EEF1AKMT4: variants seen among roughly 807,000 people sequenced by gnomAD.
EEF1AKMT4 encodes EEF1A lysine methyltransferase 4.
In EEF1AKMT4, 17 loss-of-function variants were observed where a neutral mutation model predicts 23.0. The ratio of observed to expected loss-of-function variants is 0.74; its 90% CI spans 0.51 to 1.11. The LOEUF is 1.11. Ranked by LOEUF, EEF1AKMT4 falls within the 50% of genes least tolerant of loss-of-function variation. The pLI is 0.00. For synonymous variants in EEF1AKMT4, 140 were observed against 141.4 expected (o/e 0.99, Z 0.07); for missense variants, 318 against 333.4 (o/e 0.95, Z 0.36).
chr3:184,257,307 C>G (rs938244954), intron 1 of EEF1AKMT4, among the ~76,000 whole-genome samples, 166 bp from the exon 2 acceptor site: 1 of 152,142 alleles, frequency 6.6e-6, no homozygotes, highest in African/African-American at 2.4e-5. Context: ...TGCACCCAGG[C>G]CTGTGCGATT....
intron 1 of EEF1AKMT4, among the ~76,000 whole-genome samples, chr3:184,257,159 G>A (rs577151265): frequency 4.1e-5 from 6 of 144,926 alleles, no homozygotes; most frequent in African/African-American, 1.0e-4. Context: ...GCAGTGAGCC[G>A]AGATTACACC....
intron 2 of EEF1AKMT4, 80 bp downstream of exon 2, chr3:184,257,836 G>C: frequency 6.6e-7 from 1 of 1,510,894 alleles, no homozygotes; most frequent in Non-Finnish European, 8.9e-7. Context: ...GAAGAAATCA[G>C]AAGCCAGAAG....
At chr3:184,252,097 A>G (rs1719586615) in intron 1 of EEF1AKMT4, among the ~76,000 whole-genome samples, 1 of 152,222 alleles carries the variant, frequency 6.6e-6, no homozygotes, top group African/African-American at 2.4e-5. Flanking sequence ...CTGGGGAACT[A>G]GACTGCACTG....
chr3:184,252,946 CA>C (rs563455729), intron 1 of EEF1AKMT4, among the ~76,000 whole-genome samples: 4,565 of 45,448 alleles, frequency 0.1, 66 homozygotes, highest in African/African-American at 0.22. Context: ...AACTCCATCT[CA>C]AAAAAAAAAA....
intron 1 of EEF1AKMT4, among the ~76,000 whole-genome samples, chr3:184,250,104 G>C (rs1225889680): frequency 1.3e-5 from 2 of 152,258 alleles, no homozygotes; most frequent in African/African-American, 2.4e-5. Flanking sequence ...GAGAAAGACA[G>C]TCCCTCAGAG....
Position 184,258,594 on chromosome 3 carries a change from C to G in EEF1AKMT4, c.*19C>G. ...GCTCTGAGGCCAGAGCATGGTCCTC[C>G]ACCCTTCCTGCCATTCTGCCCTGGG... On this transcript the variant is annotated 3_prime_UTR_variant, in exon 3 of 3. Transcript: ENST00000324557. 1 of 1,543,922 alleles carries G rather than the reference C, an allele frequency of 6.5e-7. No individual in the cohort carries two copies. Among genetic ancestry groups the G allele is most frequent in the Non-Finnish European group, 8.7e-7 (1 of 1,145,374 alleles).
Position 184,249,747 on chromosome 3 carries a change from G to A in EEF1AKMT4, c.53G>A (p.Cys18Tyr), listed in dbSNP as rs759775871. 84 of 1,612,964 alleles carry A rather than the reference G, an allele frequency of 5.2e-5. No individual in the cohort carries two copies. The highest frequency in any genetic ancestry group is 6.9e-5 in the Non-Finnish European group (81 of 1,179,948). ...CCTCCGGAGTTACCGGAGCGGAACT[G>A]CGGGTACCGCGAAGTCGAGTACTGG... ...RAPPELPERN[C>Y]GYREVEYWDQ... is the part of the protein sequence containing the mutation. Residue 18 changes from cysteine to tyrosine, a missense_variant, in exon 1 of 3, where the codon TGC becomes TAC. Coordinates refer to ENST00000324557, the MANE Select transcript of EEF1AKMT4 (RefSeq NM_032331.4).
Position 184,258,662 on chromosome 3 carries a change from G to C in EEF1AKMT4, c.*87G>C, listed in dbSNP as rs1477106801. The C allele has an allele frequency of 6.0e-6, 9 of 1,502,758 alleles. No homozygotes were observed. Among genetic ancestry groups the C allele is most frequent in the Non-Finnish European group, 5.3e-6 (6 of 1,130,162 alleles). The allele number at this position is 1,502,758 out of a possible 1,614,324, so 93.1% of individuals were successfully genotyped here. On this transcript the variant is annotated 3_prime_UTR_variant, in exon 3 of 3. Coordinates refer to ENST00000324557, the MANE Select transcript of EEF1AKMT4 (RefSeq NM_032331.4). The stretch of plus-strand genomic sequence containing the variant: ...ATTCCTGACTTAGGACTTGGGGTTG[G>C]GTCCAAGGTGCTTACATCCCAGGGG...
chr3:184,258,685 G>A lies in EEF1AKMT4; in HGVS notation c.*110G>A. 1.3e-6 allele frequency: 2 copies of A among 1,482,842 alleles called. No individual in the cohort carries two copies. The highest frequency in any genetic ancestry group is 1.8e-6 in the Non-Finnish European group (2 of 1,121,540). The allele number at this position is 1,482,842 out of a possible 1,614,324, so 91.9% of individuals were successfully genotyped here. A position where few individuals can be genotyped will look rare whatever the true frequency, so the allele number is the denominator to read the frequency against. On this transcript the variant is annotated 3_prime_UTR_variant, in exon 3 of 3. Transcript: ENST00000324557. ...TGGGTCCAAGGTGCTTACATCCCAG[G>A]GGCCTCATGCCTAAGATAGAGGGTG...
At chr3:184,255,222 A>G (rs1719744486) in intron 1 of EEF1AKMT4, among the ~76,000 whole-genome samples, 1 of 152,186 alleles carries the variant, frequency 6.6e-6, no homozygotes, top group South Asian at 2.1e-4. Flanking sequence ...GTGGGATTTC[A>G]ACCTGGAACT....
Position 184,249,876 on chromosome 3 carries a change from G to T in EEF1AKMT4, c.182G>T (p.Arg61Leu), listed in dbSNP as rs568581025. 1 of 1,610,870 alleles carries T rather than the reference G, an allele frequency of 6.2e-7. No individual in the cohort carries two copies. Among genetic ancestry groups the T allele is most frequent in the South Asian group, 1.1e-5 (1 of 91,054 alleles). ...LLEPELRPEDRILVLGCGNSA... is the reference protein window; with the variant it reads ...LLEPELRPEDLILVLGCGNSA... Reference sequence around the variant, plus strand: ...GAGCCGGAGCTGCGGCCCGAGGACCGTATCCTTGTGCTAGGTGGGTAATCC... The same window carrying T: ...GAGCCGGAGCTGCGGCCCGAGGACCTTATCCTTGTGCTAGGTGGGTAATCC... Residue 61 changes from arginine to leucine, a missense_variant, in exon 1 of 3, where the codon CGT becomes CTT. Coordinates refer to ENST00000324557, the MANE Select transcript of EEF1AKMT4 (RefSeq NM_032331.4).
At chr3:184,256,270 C>A (rs1719793596) in intron 1 of EEF1AKMT4, among the ~76,000 whole-genome samples, 4 of 71,142 alleles carry the variant, frequency 5.6e-5, no homozygotes, top group African/African-American at 5.9e-5. Context: ...GAAACTCCAT[C>A]TCAAAAAAAA....
chr3:184,258,514 C>T lies in EEF1AKMT4; in HGVS notation c.707C>T (p.Thr236Ile), dbSNP rs758379712. The T allele has an allele frequency of 1.2e-6, 2 of 1,612,514 alleles. No homozygotes were observed. The highest frequency in any genetic ancestry group is 4.5e-5 in the East Asian group (2 of 44,868). ...AQILSPPRPP[T>I]SPCFLQDSDH... ...ATCCTCTCACCCCCCAGACCTCCCA[C>T]CTCACCTTGCTTCCTTCAGGACTCA... The change falls in exon 3 of 3, where the codon ACC becomes ATC. Residue 236 changes from threonine to isoleucine, a missense_variant. Coordinates refer to ENST00000324557, the MANE Select transcript of EEF1AKMT4 (RefSeq NM_032331.4).
rs367721166 is a variant in EEF1AKMT4, at chr3:184,257,564, C to A, written c.288C>A (p.Ala96=). 5.0e-6 allele frequency: 8 copies of A among 1,614,048 alleles called. No homozygotes were observed. In the African/African-American group the frequency reaches 5.3e-5, roughly 11 times the overall value. ...ACTACTCATCAGTCGTGGTGGCTGC[C>A]ATGCAGGCTCGCCATGCCCATGTGC... ...SVDYSSVVVA[A]MQARHAHVPQ... is the part of the protein sequence containing the mutation. The change falls in exon 2 of 3, where the codon GCC becomes GCA. Residue 96 remains alanine, a synonymous_variant. Coordinates refer to ENST00000324557, the MANE Select transcript of EEF1AKMT4 (RefSeq NM_032331.4).
intron 1 of EEF1AKMT4, among the ~76,000 whole-genome samples, chr3:184,250,971 A>G (rs1455100653): frequency 4.0e-5 from 6 of 151,734 alleles, no homozygotes. Context: ...TATAATCCCA[A>G]CTACTTGGGA....
At chr3:184,252,690 C>A (rs1315005701) in intron 1 of EEF1AKMT4, among the ~76,000 whole-genome samples, 1 of 152,128 alleles carries the variant, frequency 6.6e-6, no homozygotes, top group East Asian at 1.9e-4. Flanking sequence ...CGCCTGTAAT[C>A]CCACCACTTT....
At chr3:184,253,032 A>G (rs1003523651) in intron 1 of EEF1AKMT4, among the ~76,000 whole-genome samples, 3 of 151,828 alleles carry the variant, frequency 2.0e-5, no homozygotes, top group African/African-American at 2.4e-5. Context: ...GGCAAGCTGC[A>G]TTTGGCAACC....
At chr3:184,250,445 G>T (rs542307135) in intron 1 of EEF1AKMT4, among the ~76,000 whole-genome samples, 1 of 152,200 alleles carries the variant, frequency 6.6e-6, no homozygotes, top group Non-Finnish European at 1.5e-5. Flanking sequence ...CCCTCTAGGG[G>T]TGGAGGGGAG....
Position 184,249,760 on chromosome 3 carries a change from A to C in EEF1AKMT4, c.66A>C (p.Glu22Asp), listed in dbSNP as rs1719431524. The C allele has an allele frequency of 5.0e-6, 8 of 1,613,206 alleles. No individual in the cohort carries two copies. The highest frequency in any genetic ancestry group is 6.8e-6 in the Non-Finnish European group (8 of 1,179,972). Residue 22 changes from glutamate to aspartate, a missense_variant, in exon 1 of 3, where the codon GAA becomes GAC. By Grantham distance (45) the Glu-to-Asp change is conservative. Transcript: ENST00000324557. ...ELPERNCGYR[E>D]VEYWDQRYQG... ...CGGAGCGGAACTGCGGGTACCGCGA[A>C]GTCGAGTACTGGGATCAGCGCTACC...
Sources: allele counts gnomAD v4.1 joint callset (sites outside exome capture counted in the v4.1 genomes callset), GRCh38; gene constraint gnomAD v4.1.1; transcripts MANE v1.5; gene names NCBI Gene and HGNC (gene_info 2026-07-23, HGNC 2026-07-21).